The following KCNT2 variants were observed in gnomAD, a reference collection of about 807,000 sequenced individuals.
The protein encoded by KCNT2 is potassium sodium-activated channel subfamily T member 2, also known as potassium channel subfamily T member 2.
KCNT2 carries 67 observed loss-of-function variants against 153.8 expected under a neutral mutation model. That is an observed-to-expected ratio of 0.44 (90% CI 0.36 to 0.53). The LOEUF (loss-of-function observed/expected upper bound fraction) is 0.53. KCNT2 is among the 20% of genes least tolerant of loss of function. KCNT2 has a pLI of 0.00. For synonymous variants in KCNT2, 500 were observed against 458.8 expected (o/e 1.09, Z -1.15); for missense variants, 975 against 1,354.8 (o/e 0.72, Z 4.40).
intron 12 of KCNT2, among the ~76,000 whole-genome samples, chr1:196,405,164 ATT>A (rs537279673): frequency 6.8e-6 from 1 of 147,756 alleles, no homozygotes; most frequent in Non-Finnish European, 1.5e-5. Context: ...ATTTCACTTC[ATT>A]TTTTTTTTTC....
chr1:196,555,803 C>T (rs1466329865), intron 1 of KCNT2, among the ~76,000 whole-genome samples: 1 of 151,120 alleles, frequency 6.6e-6, no homozygotes, highest in African/African-American at 2.4e-5. Context: ...TAAAAACAGA[C>T]ACACAGACCA....
At chr1:196,434,859 T>C (rs1277566279) in intron 8 of KCNT2, among the ~76,000 whole-genome samples, 1 of 151,622 alleles carries the variant, frequency 6.6e-6, no homozygotes, top group East Asian at 2.0e-4. Flanking sequence ...AAGATGGTGG[T>C]ACAGTCTACT....
intron 1 of KCNT2, among the ~76,000 whole-genome samples, chr1:196,509,067 G>C (rs1392056108): frequency 6.6e-6 from 1 of 152,052 alleles, no homozygotes; most frequent in Non-Finnish European, 1.5e-5. Flanking sequence ...TCAGCAGTTC[G>C]AGAGCAGCCT....
intron 8 of KCNT2, among the ~76,000 whole-genome samples, chr1:196,459,282 C>A (rs1572527728): frequency 6.6e-5 from 10 of 151,674 alleles, no homozygotes; most frequent in Admixed American, 5.3e-4. Context: ...GGTGACCATG[C>A]CCTATCCTGT....
intron 5 of KCNT2, among the ~76,000 whole-genome samples, chr1:196,471,030 A>G (rs1425853810): frequency 2.7e-5 from 4 of 149,862 alleles, no homozygotes; most frequent in Non-Finnish European, 5.9e-5. Flanking sequence ...GCAGGCACCC[A>G]CCACCACGCC....
intron 1 of KCNT2, among the ~76,000 whole-genome samples, chr1:196,586,480 C>G (rs1406545979): frequency 2.6e-5 from 4 of 151,984 alleles, no homozygotes; most frequent in Non-Finnish European, 5.9e-5. Context: ...AATTGATAAT[C>G]TAGACATCTC....
At chr1:196,484,988 A>G (rs895670774) in intron 3 of KCNT2, among the ~76,000 whole-genome samples, 2 of 152,114 alleles carry the variant, frequency 1.3e-5, no homozygotes, top group African/African-American at 4.8e-5. Flanking sequence ...CTCTAAAGAC[A>G]CAAGCACACT....
At chr1:196,267,390 G>A (rs973171846) in intron 25 of KCNT2, among the ~76,000 whole-genome samples, 1 of 152,176 alleles carries the variant, frequency 6.6e-6, no homozygotes, top group African/African-American at 2.4e-5. Flanking sequence ...TATCCACAAT[G>A]TTAAGACAAA....
chr1:196,504,517 C>A (rs1215282351), intron 1 of KCNT2, among the ~76,000 whole-genome samples: 1 of 152,060 alleles, frequency 6.6e-6, no homozygotes, highest in Non-Finnish European at 1.5e-5. Context: ...CAAGTCTTTG[C>A]TATTGTGAAT....
intron 26 of KCNT2, among the ~76,000 whole-genome samples, chr1:196,238,736 C>T (rs898709964): frequency 5.3e-5 from 8 of 151,754 alleles, no homozygotes; most frequent in African/African-American, 1.2e-4. Context: ...ATGTAAATGA[C>T]GAGTTAATGG....
intron 1 of KCNT2, among the ~76,000 whole-genome samples, chr1:196,596,124 T>A (rs1279954084): frequency 6.7e-6 from 1 of 148,790 alleles, no homozygotes; most frequent in Non-Finnish European, 1.5e-5. Flanking sequence ...ATCCAGTTGT[T>A]GGTTGATGGG....
intron 22 of KCNT2, among the ~76,000 whole-genome samples, chr1:196,294,308 G>T (rs569639607): frequency 6.6e-6 from 1 of 152,006 alleles, no homozygotes; most frequent in South Asian, 2.1e-4. Flanking sequence ...ACTGAATCTC[G>T]CTCTGTCGCC....
chr1:196,239,110 T>A (rs1654715705), intron 26 of KCNT2, among the ~76,000 whole-genome samples: 1 of 151,908 alleles, frequency 6.6e-6, no homozygotes, highest in Non-Finnish European at 1.5e-5. Flanking sequence ...ATTTACTGAA[T>A]AAAATAAATT....
At chr1:196,373,379 A>C (rs1333906201) in intron 13 of KCNT2, 131 bp from the exon 14 acceptor site, 1 of 585,828 alleles carries the variant, frequency 1.7e-6, no homozygotes, top group Non-Finnish European at 3.1e-6. Context: ...ATGTTTTTAC[A>C]AGTGCAATTT....
In KCNT2 at chr1:196,282,327, G is replaced by A; in HGVS notation, c.2727C>T (p.Ile909=). The stretch of plus-strand genomic sequence containing the variant: ...TGTCCAGTCCCAACAGAAGTCTCGT[G>A]ATAGAAATCATATAATCCTTCACAA... ...QSFVKDYMIS[I]TRLLLGLDTT... Residue 909 remains isoleucine (I), a synonymous_variant, in exon 24 of 28, where the codon ATC becomes ATT. Coordinates refer to ENST00000294725, the MANE Select transcript of KCNT2 (RefSeq NM_198503.5). 6.3e-7 allele frequency: 1 copy of A among 1,598,088 alleles called. No homozygotes were observed. The highest frequency in any genetic ancestry group is 8.6e-7 in the Non-Finnish European group (1 of 1,166,242).
chr1:196,464,875 T>G (rs1205385263), intron 8 of KCNT2, among the ~76,000 whole-genome samples: 1 of 151,996 alleles, frequency 6.6e-6, no homozygotes, highest in Non-Finnish European at 1.5e-5. Context: ...CTAAGAATCA[T>G]GCACAGAAAG....
chr1:196,346,359 T>C (rs546092321), intron 14 of KCNT2, among the ~76,000 whole-genome samples: 29 of 152,284 alleles, frequency 1.9e-4, no homozygotes, highest in Admixed American at 1.2e-3. Context: ...TTTAGCTTTT[T>C]TGAATATCCA....
intron 1 of KCNT2, among the ~76,000 whole-genome samples, chr1:196,601,571 C>A (rs960748584): frequency 3.9e-5 from 6 of 152,138 alleles, no homozygotes; most frequent in Non-Finnish European, 8.8e-5. Flanking sequence ...ACCAATATAT[C>A]CACAACTGTC....
At chr1:196,353,893 T>C (rs976327949) in intron 14 of KCNT2, among the ~76,000 whole-genome samples, 2 of 151,932 alleles carry the variant, frequency 1.3e-5, no homozygotes, top group African/African-American at 4.8e-5. Flanking sequence ...AAGGATTTAA[T>C]TGGAATTTCC....
Sources: gnomAD v4.1 joint callset for allele counts (sites outside exome capture counted in the v4.1 genomes callset) on GRCh38, gnomAD v4.1.1 for gene constraint, MANE v1.5 for transcripts, NCBI Gene and HGNC (gene_info 2026-07-23, HGNC 2026-07-21) for gene names.